The following ANKRD11 variants were observed in gnomAD, a reference collection of about 807,000 sequenced individuals.
ANKRD11 encodes ankyrin repeat domain 11, also known as ankyrin repeat domain-containing protein 11.
ANKRD11 carries 17 observed loss-of-function variants against 195.7 expected under a neutral mutation model. The ratio of observed to expected loss-of-function variants is 0.09; its 90% CI spans 0.06 to 0.13. ANKRD11 has a LOEUF of 0.13. Among genes scored for constraint, ANKRD11 ranks in the 10% least tolerant of loss-of-function variants. The probability of loss-of-function intolerance (pLI) is 1.00; values close to 1 mark genes in which losing one functional copy is unlikely to be tolerated. For missense variants in ANKRD11, 3,735 were observed against 3,566.1 expected (o/e 1.05, Z -1.21); for synonymous variants, 1,953 against 1,528.1 (o/e 1.28, Z -6.49).
chr16:89,275,777 A>G (rs561308600), intron 9 of ANKRD11, among the ~76,000 whole-genome samples: 9 of 152,320 alleles, frequency 5.9e-5, no homozygotes, highest in Non-Finnish European at 7.4e-5. Flanking sequence ...GGGTTCTCAC[A>G]GAGGTGGGTC....
intron 12 of ANKRD11, chr16:89,270,339 CTT>C (rs34903256): frequency 0.81 from 210,670 of 258,544 alleles, 86,694 homozygotes; most frequent in African/African-American, 0.88. Context: ...AGTTCTGTAA[CTT>C]TTGGCAAGTT....
chr16:89,407,362 A>C (rs1053172000), intron 2 of ANKRD11, among the ~76,000 whole-genome samples: 24 of 152,152 alleles, frequency 1.6e-4, no homozygotes, highest in African/African-American at 4.8e-4. Flanking sequence ...CAGAGGTTTA[A>C]AGAAAGAGAC....
At chr16:89,287,185 C>A in intron 7 of ANKRD11, 6 of 1,094,176 alleles carry the variant, frequency 5.5e-6, no homozygotes, top group Non-Finnish European at 7.3e-6. Flanking sequence ...GGGGCCACCA[C>A]ACTCCTCGGC....
At chr16:89,314,515 G>A (rs570894263) in intron 3 of ANKRD11, among the ~76,000 whole-genome samples, 21 of 152,256 alleles carry the variant, frequency 1.4e-4, no homozygotes, top group South Asian at 6.2e-4. Flanking sequence ...GCGCCAACAC[G>A]ACCTGCTCTC....
intron 4 of ANKRD11, among the ~76,000 whole-genome samples, chr16:89,303,762 A>G (rs558218790): frequency 1.3e-5 from 2 of 152,316 alleles, no homozygotes; most frequent in South Asian, 2.1e-4. Flanking sequence ...CAGCCACACA[A>G]TCATAAAGGC....
At chr16:89,314,633 C>T (rs1038541600) in intron 3 of ANKRD11, among the ~76,000 whole-genome samples, 6 of 152,160 alleles carry the variant, frequency 3.9e-5, no homozygotes, top group Non-Finnish European at 7.3e-5. Flanking sequence ...GTGTGTCAAG[C>T]GGCTCAGAGA....
At chr16:89,269,628 T>G (rs2032960590) in intron 12 of ANKRD11, among the ~76,000 whole-genome samples, 1 of 152,078 alleles carries the variant, frequency 6.6e-6, no homozygotes, top group Non-Finnish European at 1.5e-5. Context: ...CCTAAGGTTT[T>G]TTTTTAAATT....
rs536669859 is a variant in ANKRD11 at position 89,449,584 on chromosome 16, G to A, written c.-144-31216C>T. On this transcript the variant is annotated intron_variant, in intron 1 of 12. Coordinates refer to ENST00000301030, the MANE Select transcript of ANKRD11 (RefSeq NM_013275.6). ...CGAGGCAGGCAGATCACCTGAGGTC[G>A]AGAGTTCGAGACCAGCCTGACCAAC... 7.9e-5 allele frequency among the ~76,000 whole-genome samples: 12 copies of A among 152,106 alleles called. No homozygotes were observed. In the South Asian group the frequency reaches 1.9e-3, roughly 24 times the overall value.
chr16:89,446,653 A>C (rs1339959322), intron 1 of ANKRD11, among the ~76,000 whole-genome samples: 1 of 152,150 alleles, frequency 6.6e-6, no homozygotes, highest in Non-Finnish European at 1.5e-5. Context: ...TCTGGCTGCC[A>C]GGCCATCAAG....
chr16:89,387,133 G>C (rs1174351567), intron 2 of ANKRD11, among the ~76,000 whole-genome samples: 1 of 152,038 alleles, frequency 6.6e-6, no homozygotes, highest in Non-Finnish European at 1.5e-5. Context: ...GGGTGGGAGA[G>C]GTAGGTCACA....
chr16:89,466,312 T>A (rs527579480), intron 1 of ANKRD11, among the ~76,000 whole-genome samples: 2 of 151,788 alleles, frequency 1.3e-5, no homozygotes, highest in African/African-American at 2.4e-5. Context: ...TCCAGAGAGA[T>A]AGAAAAGAGA....
At chr16:89,401,985 C>T (rs1035909526) in intron 2 of ANKRD11, among the ~76,000 whole-genome samples, 1 of 149,924 alleles carries the variant, frequency 6.7e-6, no homozygotes, top group African/African-American at 2.5e-5. Flanking sequence ...GCCCTGCAGA[C>T]AGCTTGGTCT....
chr16:89,279,645 G>A lies in ANKRD11; in HGVS notation c.6897C>T (p.Ala2299=), dbSNP rs1202432427. 6.3e-6 allele frequency: 9 copies of A among 1,439,842 alleles called. No homozygotes were observed. Among genetic ancestry groups the A allele is most frequent in the Admixed American group, 5.6e-5 (2 of 35,840 alleles). The allele number at this position is 1,439,842 out of a possible 1,614,324, so 89.2% of individuals were successfully genotyped here. A position where few individuals can be genotyped will look rare whatever the true frequency, so the allele number is the denominator to read the frequency against. ...CAGGAGGGCCTTCGGCTGGGGCGGC[G>A]GCACGGGAGGCCTCAGTGTCGTCCT... ...GPEDDTEASR[A]AAPAEGPPGG... The change falls in exon 9 of 13, where the codon GCC becomes GCT. Residue 2299 remains alanine, a synonymous_variant. Transcript: ENST00000301030. The surrounding 1 kb of genome is among the most constrained non-coding windows in gnomAD (Gnocchi z 5.6).
intron 3 of ANKRD11, among the ~76,000 whole-genome samples, chr16:89,312,494 C>T (rs1013161125): frequency 6.6e-6 from 1 of 152,214 alleles, no homozygotes; most frequent in African/African-American, 2.4e-5. Flanking sequence ...GGGCCACAGG[C>T]CGTGTGCTCT....
chr16:89,296,659 C>T (rs148575832), intron 4 of ANKRD11, among the ~76,000 whole-genome samples: 1 of 152,226 alleles, frequency 6.6e-6, no homozygotes, highest in Admixed American at 6.5e-5. Context: ...CTGGGGCTGA[C>T]CCCTGCTGAC....
intron 2 of ANKRD11, among the ~76,000 whole-genome samples, chr16:89,361,319 C>A (rs1567699504): frequency 6.6e-6 from 1 of 152,224 alleles, no homozygotes; most frequent in African/African-American, 2.4e-5. Flanking sequence ...AGAACCATCA[C>A]AGCGCCGGGG....
intron 2 of ANKRD11, among the ~76,000 whole-genome samples, chr16:89,374,691 G>C (rs1334239862): frequency 6.6e-6 from 1 of 152,172 alleles, no homozygotes; most frequent in African/African-American, 2.4e-5. Context: ...ATCGGGAAAA[G>C]CACTTCAACT....
chr16:89,485,771 G>C (rs1002083974), intron 1 of ANKRD11, among the ~76,000 whole-genome samples: 2 of 152,144 alleles, frequency 1.3e-5, no homozygotes, highest in African/African-American at 2.4e-5. Context: ...TCCCTCCAAA[G>C]AGATCATTTT....
At chr16:89,329,560 A>G (rs1291948410) in intron 2 of ANKRD11, among the ~76,000 whole-genome samples, 1 of 152,232 alleles carries the variant, frequency 6.6e-6, no homozygotes, top group Non-Finnish European at 1.5e-5. Context: ...TTGTAATTCA[A>G]TAAAGCTGTT....
Sources: allele counts gnomAD v4.1 joint callset (sites outside exome capture counted in the v4.1 genomes callset), GRCh38; gene constraint gnomAD v4.1.1; non-coding constraint Gnocchi (gnomAD v3.1); transcripts MANE v1.5; gene names NCBI Gene and HGNC (gene_info 2026-07-23, HGNC 2026-07-21).